Variants in SNX29 observed in about 807,000 individuals in gnomAD.
SNX29 encodes the protein sorting nexin-29.
Under a neutral mutation model 102.1 loss-of-function variants are expected in SNX29, and 78 were observed. The observed-to-expected ratio is 0.76, with a 90% CI of 0.64 to 0.92. SNX29 has a LOEUF of 0.92. SNX29 is among the 40% of genes least tolerant of loss of function. The pLI is 0.00. For missense variants in SNX29, 1,280 were observed against 1,061.7 expected, an observed-to-expected ratio of 1.21 and a Z score of -2.86; for synonymous variants, 580 against 414.5, an observed-to-expected ratio of 1.40 and a Z score of -4.85.
intron 19 of SNX29, among the ~76,000 whole-genome samples, chr16:12,486,559 A>C (rs889879704): frequency 6.6e-6 from 1 of 152,254 alleles, no homozygotes; most frequent in Admixed American, 6.5e-5. Flanking sequence ...CAAGGCTGAT[A>C]TCTGGGCCCA....
At chr16:12,147,636 C>T (rs937689234) in intron 13 of SNX29, among the ~76,000 whole-genome samples, 5 of 152,158 alleles carry the variant, frequency 3.3e-5, no homozygotes, top group Non-Finnish European at 7.3e-5. Flanking sequence ...TGGATGTAGC[C>T]GATCCAAGGA....
intron 15 of SNX29, among the ~76,000 whole-genome samples, chr16:12,349,193 GTTAT>G (rs1340151099): frequency 2.6e-5 from 4 of 152,316 alleles, no homozygotes; most frequent in African/African-American, 9.6e-5. Context: ...CTCTTCCTGG[GTTAT>G]TTATTTGTTG....
chr16:12,026,625 A>G (rs1315096179), intron 3 of SNX29, among the ~76,000 whole-genome samples: 1 of 152,200 alleles, frequency 6.6e-6, no homozygotes, highest in Non-Finnish European at 1.5e-5. Context: ...ATTCAATTAA[A>G]TGCACAGTAA....
intron 3 of SNX29, among the ~76,000 whole-genome samples, chr16:12,020,151 C>G (rs2056975934): frequency 6.7e-6 from 1 of 149,906 alleles, no homozygotes; most frequent in Non-Finnish European, 1.5e-5. Flanking sequence ...AAGACAAGGT[C>G]TTGTTCTGTC....
chr16:11,976,745 G>T lies in SNX29; in HGVS notation c.-62G>T. 5 of 1,220,832 alleles carry T rather than the reference G, an allele frequency of 4.1e-6. No individual in the cohort carries two copies. The highest frequency in any genetic ancestry group is 3.2e-5 in the East Asian group (1 of 31,010). The allele number at this position is 1,220,832 out of a possible 1,614,324, so 75.6% of individuals were successfully genotyped here. A position where few individuals can be genotyped will look rare whatever the true frequency, so the allele number is the denominator to read the frequency against. ...CTGTCTCCCGGCCTGTCTGGAGCTC[G>T]GCAGCCGCAGAAGCGGCAGCGGCGG... On this transcript the variant is annotated 5_prime_UTR_variant, in exon 1 of 21. Coordinates refer to ENST00000566228, the MANE Select transcript of SNX29 (RefSeq NM_032167.5).
intron 16 of SNX29, among the ~76,000 whole-genome samples, chr16:12,365,996 C>T (rs1023048025): frequency 1.6e-5 from 2 of 128,036 alleles, no homozygotes; most frequent in South Asian, 2.6e-4. Context: ...GAGCAGAGAT[C>T]GTGCCACTGC....
intron 19 of SNX29, among the ~76,000 whole-genome samples, chr16:12,520,906 A>T (rs539919926): frequency 6.6e-6 from 1 of 152,278 alleles, no homozygotes; most frequent in East Asian, 1.9e-4. Context: ...ACCACTAAAG[A>T]ACTCGTTCAA....
At chr16:12,443,692 C>A (rs1199819836) in intron 18 of SNX29, among the ~76,000 whole-genome samples, 3 of 152,240 alleles carry the variant, frequency 2.0e-5, no homozygotes, top group African/African-American at 7.2e-5. Flanking sequence ...CTCAGATAAT[C>A]TACCTGCCTT....
chr16:12,127,200 A>G (rs916258145), intron 12 of SNX29, among the ~76,000 whole-genome samples: 1 of 151,130 alleles, frequency 6.6e-6, no homozygotes, highest in African/African-American at 2.4e-5. Context: ...CGGAGGTTGC[A>G]GTGAGCCGAG....
intron 14 of SNX29, among the ~76,000 whole-genome samples, chr16:12,264,788 C>T (rs2078878748): frequency 6.6e-6 from 1 of 151,788 alleles, no homozygotes; most frequent in Admixed American, 6.6e-5. Context: ...AAAAGCTTCA[C>T]AGGTTTAGGA....
chr16:12,503,240 C>G (rs1016262427), intron 19 of SNX29, among the ~76,000 whole-genome samples: 3 of 152,190 alleles, frequency 2.0e-5, no homozygotes, highest in South Asian at 2.1e-4. Flanking sequence ...TGCGACGTTC[C>G]TTTTTGTGAA....
chr16:12,166,496 G>C (rs1178899908), intron 13 of SNX29, among the ~76,000 whole-genome samples: 2 of 152,212 alleles, frequency 1.3e-5, no homozygotes, highest in Non-Finnish European at 2.9e-5. Context: ...AGGAAGGCGG[G>C]GGGCATAGGC....
chr16:12,527,421 T>C lies in SNX29; in HGVS notation c.2318+2580T>C, dbSNP rs973061864. 4.1e-5 allele frequency: 18 copies of C among 440,264 alleles called. No individual in the cohort carries two copies. In the East Asian group the frequency reaches 4.6e-4, roughly 11 times the overall value. The allele number at this position is 440,264 out of a possible 1,614,324, so 27.3% of individuals were successfully genotyped here. A position where few individuals can be genotyped will look rare whatever the true frequency, so the allele number is the denominator to read the frequency against. On this transcript the variant is annotated intron_variant, in intron 20 of 20. Coordinates refer to ENST00000566228, the MANE Select transcript of SNX29 (RefSeq NM_032167.5). ...AACCCCCAAAGCATAATTATTCTTATAAATTTTGACAGATTTTCTCCTTGG... is the reference window on the plus strand; with the variant it reads ...AACCCCCAAAGCATAATTATTCTTACAAATTTTGACAGATTTTCTCCTTGG...
At chr16:12,253,416 T>G (rs1334549479) in intron 14 of SNX29, among the ~76,000 whole-genome samples, 2 of 152,188 alleles carry the variant, frequency 1.3e-5, no homozygotes, top group Non-Finnish European at 2.9e-5. Context: ...ACTAAGGATG[T>G]ATAGCGTGTC....
rs767798800 is a variant in SNX29, at chr16:12,571,650, C to T, written c.*3021C>T. Reference sequence around the variant, plus strand: ...TTTTTCTCCCCCAGATGAAAGACGACTCAGGAACGGTAGGGCTGGGCAGAG... The same window carrying T: ...TTTTTCTCCCCCAGATGAAAGACGATTCAGGAACGGTAGGGCTGGGCAGAG... On this transcript the variant is annotated 3_prime_UTR_variant, in exon 21 of 21. Coordinates refer to ENST00000566228, the MANE Select transcript of SNX29 (RefSeq NM_032167.5). 45 of 1,059,230 alleles carry T rather than the reference C, an allele frequency of 4.2e-5. No homozygotes were observed. Among genetic ancestry groups the T allele is most frequent in the Admixed American group, 1.1e-4 (2 of 18,510 alleles). The allele number at this position is 1,059,230 out of a possible 1,614,324, so 65.6% of individuals were successfully genotyped here.
chr16:12,116,860 A>T (rs1416625550), intron 11 of SNX29, among the ~76,000 whole-genome samples: 1 of 152,224 alleles, frequency 6.6e-6, no homozygotes, highest in Non-Finnish European at 1.5e-5. Context: ...GAACCATGGA[A>T]ACAGGCTTAG....
At chr16:12,401,214 T>A (rs2083927392) in intron 17 of SNX29, among the ~76,000 whole-genome samples, 1 of 152,126 alleles carries the variant, frequency 6.6e-6, no homozygotes, top group South Asian at 2.1e-4. Context: ...GAGAAACCAA[T>A]TAGATTTAAC....
chr16:12,031,756 G>C (rs879467801), intron 4 of SNX29, among the ~76,000 whole-genome samples: 2 of 152,046 alleles, frequency 1.3e-5, no homozygotes, highest in Non-Finnish European at 2.9e-5. Flanking sequence ...AGTGAGCCGA[G>C]ATCGCGCCAC....
At chr16:12,108,715 A>C (rs350251) in intron 11 of SNX29, among the ~76,000 whole-genome samples, 5 of 152,078 alleles carry the variant, frequency 3.3e-5, no homozygotes, top group African/African-American at 1.2e-4. Flanking sequence ...GGTGGTGGCC[A>C]GTGCAAGGGT....
Sources: allele counts gnomAD v4.1 joint callset (sites outside exome capture counted in the v4.1 genomes callset), GRCh38; gene constraint gnomAD v4.1.1; transcripts MANE v1.5; gene names NCBI Gene and HGNC (gene_info 2026-07-23, HGNC 2026-07-21).